The following SYT16 variants were observed in gnomAD, a reference collection of about 807,000 sequenced individuals.
SYT16 encodes the protein synaptotagmin 16, also known as synaptotagmin-16.
SYT16 carries 42 observed loss-of-function variants against 61.4 expected under a neutral mutation model. The observed-to-expected ratio is 0.68, with a 90% CI of 0.53 to 0.89. SYT16 has a LOEUF of 0.89. Ranked by LOEUF, SYT16 falls within the 40% of genes least tolerant of loss-of-function variation. The pLI, the probability that SYT16 is intolerant of heterozygous loss-of-function variation, is 0.00. For missense variants in SYT16, 804 were observed against 807.3 expected, an observed-to-expected ratio of 1.00 and a Z score of 0.05; for synonymous variants, 314 against 302.3, an observed-to-expected ratio of 1.04 and a Z score of -0.40.
chr14:62,074,313 G>C (rs1046433852), intron 4 of SYT16, among the ~76,000 whole-genome samples: 4 of 152,106 alleles, frequency 2.6e-5, no homozygotes, highest in African/African-American at 9.7e-5. Context: ...TGTATGGGGA[G>C]GGAGGACAGG....
intron 3 of SYT16, among the ~76,000 whole-genome samples, chr14:62,046,706 A>G (rs1476145712): frequency 2.0e-5 from 3 of 152,382 alleles, no homozygotes; most frequent in Non-Finnish European, 4.4e-5. Flanking sequence ...TTTATTAAAT[A>G]GGGAATCCTT....
intron 1 of SYT16, among the ~76,000 whole-genome samples, chr14:61,905,666 G>C (rs1312890281): frequency 1.3e-5 from 2 of 152,098 alleles, no homozygotes; most frequent in Non-Finnish European, 2.9e-5. Flanking sequence ...AAGGGTTGAA[G>C]ACAGCAGGGT....
chr14:61,830,117 G>A (rs1204476356), intron 1 of SYT16, among the ~76,000 whole-genome samples: 2 of 152,082 alleles, frequency 1.3e-5, no homozygotes, highest in African/African-American at 4.8e-5. Flanking sequence ...GAGCCCACTG[G>A]TTTTTCCGTT....
rs985301089 is a variant in SYT16 at position 62,102,733 on chromosome 14, A to G, written c.*2026A>G. Reference sequence around the variant, plus strand: ...ATTTTAAAATTTACATTTGAAAAAAATCTGTATATATTGTACAGACAGCCC... The same window carrying G: ...ATTTTAAAATTTACATTTGAAAAAAGTCTGTATATATTGTACAGACAGCCC... On this transcript the variant is annotated 3_prime_UTR_variant, in exon 8 of 8. Coordinates refer to ENST00000683842, the MANE Select transcript of SYT16 (RefSeq NM_001367656.1). 12 of 152,200 alleles carry G rather than the reference A, an allele frequency of 7.9e-5. No individual in the cohort carries two copies. Among genetic ancestry groups the G allele is most frequent in the Non-Finnish European group, 1.5e-4 (10 of 68,026 alleles). The allele number at this position is 152,200 out of a possible 1,614,324, so 9.4% of individuals were successfully genotyped here.
chr14:62,070,868 C>G (rs1224218872), intron 4 of SYT16, among the ~76,000 whole-genome samples: 2 of 152,066 alleles, frequency 1.3e-5, no homozygotes, highest in Non-Finnish European at 2.9e-5. Context: ...TCCATATTTT[C>G]AAACCCAGAC....
intron 1 of SYT16, among the ~76,000 whole-genome samples, chr14:61,841,285 G>A (rs188298287): frequency 3.0e-4 from 46 of 152,220 alleles, no homozygotes; most frequent in African/African-American, 9.1e-4. Context: ...CATTGTATGG[G>A]GATACATTTA....
intron 3 of SYT16, among the ~76,000 whole-genome samples, chr14:62,045,157 TAAA>T (rs1566792285): frequency 1.2e-4 from 18 of 152,080 alleles, no homozygotes; most frequent in African/African-American, 4.3e-4. Context: ...AATAAATAAA[TAAA>T]TAAAATAAAT....
chr14:61,877,693 T>C (rs2047547728), intron 1 of SYT16, among the ~76,000 whole-genome samples: 1 of 152,184 alleles, frequency 6.6e-6, no homozygotes, highest in East Asian at 1.9e-4. Flanking sequence ...GTTGAGAGCT[T>C]GCCCTGTGGC....
intron 2 of SYT16, among the ~76,000 whole-genome samples, chr14:61,976,228 T>A (rs2051791655): frequency 6.6e-6 from 1 of 152,126 alleles, no homozygotes. Flanking sequence ...CAGGGTTCAG[T>A]CCCCCTCCTG....
intron 7 of SYT16, among the ~76,000 whole-genome samples, chr14:62,092,173 A>AACACAC (rs56324432): frequency 0.045 from 5,910 of 131,150 alleles, 204 homozygotes; most frequent in East Asian, 0.081. Flanking sequence ...TGGCTACTAT[A>AACACAC]ACACACACAC....
At chr14:61,871,803 A>G (rs1362557823) in intron 1 of SYT16, among the ~76,000 whole-genome samples, 2 of 152,238 alleles carry the variant, frequency 1.3e-5, no homozygotes, top group Admixed American at 6.5e-5. Flanking sequence ...ATGCCCTTCT[A>G]TAAAGTGTTG....
At chr14:62,006,282 A>C (rs1352485093) in intron 3 of SYT16, among the ~76,000 whole-genome samples, 1 of 152,112 alleles carries the variant, frequency 6.6e-6, no homozygotes, top group Non-Finnish European at 1.5e-5. Context: ...GGGGTGATGT[A>C]AGCCATAGTA....
intron 1 of SYT16, among the ~76,000 whole-genome samples, chr14:61,869,244 T>C (rs2047253337): frequency 6.6e-6 from 1 of 152,088 alleles, no homozygotes; most frequent in Non-Finnish European, 1.5e-5. Flanking sequence ...TGTTTTTTAG[T>C]TGGTGAGTTT....
intron 3 of SYT16, among the ~76,000 whole-genome samples, chr14:62,034,069 A>T (rs2054409721): frequency 6.6e-6 from 1 of 152,192 alleles, no homozygotes; most frequent in Non-Finnish European, 1.5e-5. Flanking sequence ...TCTAAAGAAG[A>T]TATACAAATG....
chr14:62,100,650 G>A lies in SYT16; in HGVS notation c.1881G>A (p.Glu627=). 6.2e-7 allele frequency: 1 copy of A among 1,613,882 alleles called. No homozygotes were observed. The highest frequency in any genetic ancestry group is 1.1e-5 in the South Asian group (1 of 91,078). ...AGGAGGAACAAGATCACTGGGAGGA[G>A]ATGAAGGAAACCAAAGGCCAGCAGA... ...SGEEEQDHWE[E]MKETKGQQIC... is the part of the protein sequence containing the mutation. The change falls in exon 8 of 8, where the codon GAG becomes GAA. Residue 627 remains glutamate (E), a synonymous_variant. Coordinates refer to ENST00000683842, the MANE Select transcript of SYT16 (RefSeq NM_001367656.1).
chr14:61,865,062 A>C, intron 1 of SYT16: 1 of 1,399,076 alleles, frequency 7.1e-7, no homozygotes, highest in South Asian at 1.2e-5. Context: ...TGCAGGCTCG[A>C]CTGTGCAGCT....
At chr14:61,985,454 T>C (rs141415203) in intron 2 of SYT16, among the ~76,000 whole-genome samples, 27 of 152,310 alleles carry the variant, frequency 1.8e-4, no homozygotes, top group African/African-American at 6.5e-4. Context: ...TGCCTATCAA[T>C]AAAACTTTCA....
Position 61,996,296 on chromosome 14 carries a change from T to C in SYT16, c.277T>C (p.Cys93Arg). Residue 93 changes from cysteine to arginine, a missense_variant, in exon 3 of 8, where the codon TGT becomes CGT. Transcript: ENST00000683842. ...SLFLEVDHFS[C>R]CNSDLQDSAQ... is the part of the protein sequence containing the mutation. ...GTTTCTTGAAGTGGATCATTTCTCA[T>C]GTTGTAATAGTGATTTGCAGGACTC... 6.2e-7 allele frequency: 1 copy of C among 1,613,622 alleles called. No individual in the cohort carries two copies. The highest frequency in any genetic ancestry group is 1.3e-5 in the African/African-American group (1 of 75,026).
At chr14:62,040,988 TCCCACAATAGG>T (rs2054707069) in intron 3 of SYT16, among the ~76,000 whole-genome samples, 1 of 152,018 alleles carries the variant, frequency 6.6e-6, no homozygotes, top group South Asian at 2.1e-4. Flanking sequence ...AATCAATGGG[TCCCACAATAGG>T]CCGTCTGCAA....
Sources: allele counts gnomAD v4.1 joint callset (sites outside exome capture counted in the v4.1 genomes callset), GRCh38; gene constraint gnomAD v4.1.1; transcripts MANE v1.5; gene names NCBI Gene and HGNC (gene_info 2026-07-23, HGNC 2026-07-21).